FBXO43: variants seen among roughly 807,000 people sequenced by gnomAD.
FBXO43 encodes F-box only protein 43.
Under a neutral mutation model 56.7 loss-of-function variants are expected in FBXO43, and 22 were observed. The ratio of observed to expected loss-of-function variants is 0.39; its 90% confidence interval spans 0.28 to 0.55. The LOEUF (loss-of-function observed/expected upper bound fraction) is 0.55. Among genes scored for constraint, FBXO43 ranks in the 20% least tolerant of loss-of-function variants. FBXO43 has a pLI of 0.66. For synonymous variants in FBXO43, 306 were observed against 294.5 expected, an observed-to-expected ratio of 1.04 and a Z score of -0.40; for missense variants, 733 against 814.9, an observed-to-expected ratio of 0.90 and a Z score of 1.22.
At chr8:100,149,255 G>C (rs1814878386), upstream of FBXO43, among the ~76,000 whole-genome samples, 4 of 152,176 alleles carry the variant, frequency 2.6e-5, no homozygotes, top group South Asian at 8.3e-4. Flanking sequence ...GGACCCATTT[G>C]TATTCTACAT....
intron 3 of FBXO43, chr8:100,137,058 T>A (rs1444057488): frequency 6.6e-6 from 1 of 152,426 alleles, no homozygotes; most frequent in African/African-American, 2.4e-5. Context: ...GATGTTCTTT[T>A]TTTTTTGTTT....
chr8:100,146,261 T>A (rs1030177458), upstream of FBXO43, among the ~76,000 whole-genome samples: 1 of 152,200 alleles, frequency 6.6e-6, no homozygotes, highest in African/African-American at 2.4e-5. Context: ...TTAGTTCTTT[T>A]TATCTGTGTT....
At chr8:100,142,506 G>A (rs986737273) in intron 1 of FBXO43, among the ~76,000 whole-genome samples, 1 of 152,112 alleles carries the variant, frequency 6.6e-6, no homozygotes, top group Non-Finnish European at 1.5e-5. Flanking sequence ...ATTACCTTAT[G>A]ATTTTCACAG....
upstream of FBXO43, chr8:100,150,449 C>A (rs1814897540): frequency 6.6e-6 from 1 of 152,286 alleles, no homozygotes; most frequent in Non-Finnish European, 1.5e-5. Context: ...TGTTAAAATG[C>A]TCTGCTTTCC....
At position 100,141,070 on chromosome 8, in the gene FBXO43, T is replaced by G. The variant is rs1459736473; in HGVS notation, c.1184A>C (p.Glu395Ala). ...STLREQSSQS[E>A]TEEEKQIVHP... ...GACAATCTGCTTTTCCTCTTCTGTC[T>G]CTGACTGCGAGCTTTGTTCCCGAAG... The change falls in exon 2 of 5, where the codon GAG becomes GCG. Residue 395 changes from glutamate (E) to alanine (A), a missense_variant. Coordinates refer to ENST00000428847, the MANE Select transcript of FBXO43 (RefSeq NM_001029860.4). 2 of 1,614,218 alleles carry G rather than the reference T, an allele frequency of 1.2e-6. No homozygotes were observed. The highest frequency in any genetic ancestry group is 2.2e-5 in the South Asian group (2 of 91,076).
chr8:100,140,080 TA>T (rs147877871), intron 2 of FBXO43, among the ~76,000 whole-genome samples: 8,342 of 152,280 alleles, frequency 0.055, 689 homozygotes, highest in African/African-American at 0.17. Flanking sequence ...CTTGAAAATT[TA>T]AAATTCAACT....
chr8:100,148,788 A>G (rs1326369555), upstream of FBXO43, among the ~76,000 whole-genome samples: 1 of 152,168 alleles, frequency 6.6e-6, no homozygotes, highest in Non-Finnish European at 1.5e-5. Flanking sequence ...GCTTGCCACA[A>G]AATCTGATGC....
At chr8:100,137,941 T>C (rs1426000856) in intron 2 of FBXO43, among the ~76,000 whole-genome samples, 1 of 152,180 alleles carries the variant, frequency 6.6e-6, no homozygotes, top group Admixed American at 6.5e-5. Flanking sequence ...GGGAGACTGA[T>C]TAAGAGGATT....
intron 2 of FBXO43, 41 bp from the exon 3 acceptor site, chr8:100,137,708 T>C: frequency 6.9e-7 from 1 of 1,449,278 alleles, no homozygotes; most frequent in Non-Finnish European, 9.6e-7. Flanking sequence ...ATACATTCTA[T>C]AGGATTAACA....
chr8:100,136,939 C>G (rs958020737), intron 3 of FBXO43: 5 of 152,304 alleles, frequency 3.3e-5, no homozygotes, highest in South Asian at 2.1e-4. Flanking sequence ...TCAAAAGACT[C>G]GGTTAGAAAT....
At chr8:100,142,971 T>C (rs368914040) in intron 1 of FBXO43, among the ~76,000 whole-genome samples, 38 of 152,352 alleles carry the variant, frequency 2.5e-4, no homozygotes, top group Middle Eastern at 3.4e-3. Flanking sequence ...CCATTTAAAA[T>C]ATTCTTGAAG....
At position 100,137,629 on chromosome 8, in the gene FBXO43, A is replaced by T; in HGVS notation, c.1610T>A (p.Val537Asp). 1 of 1,613,142 alleles carries T rather than the reference A, an allele frequency of 6.2e-7. No individual in the cohort carries two copies. The highest frequency in any genetic ancestry group is 1.3e-5 in the African/African-American group (1 of 75,008). The change falls in exon 3 of 5, where the codon GTT (valine) becomes GAT (aspartate). Residue 537 changes from valine (V) to aspartate (D), a missense_variant. Transcript: ENST00000428847. ...KVSRNWREIV[V>D]QDKNANRRRK... ...CCTCCGATTTGCATTTTTATCTTGA[A>T]CAACAATTTCACGCCAATTTCTGCT...
At chr8:100,145,826 C>G (rs1482102318), upstream of FBXO43, 4 of 152,438 alleles carry the variant, frequency 2.6e-5, no homozygotes, top group Non-Finnish European at 5.9e-5. Context: ...TTGAACGGCC[C>G]GCCCGGGGTA....
At chr8:100,134,870 T>C (rs1158531650) in intron 3 of FBXO43, among the ~76,000 whole-genome samples, 2 of 152,224 alleles carry the variant, frequency 1.3e-5, no homozygotes, top group African/African-American at 4.8e-5. Flanking sequence ...CCAGTCTATG[T>C]TGGAATAGGA....
intron 3 of FBXO43, among the ~76,000 whole-genome samples, chr8:100,134,733 G>A (rs1036844403): frequency 1.2e-4 from 19 of 152,092 alleles, no homozygotes; most frequent in Non-Finnish European, 2.4e-4. Flanking sequence ...TCAACTCTGC[G>A]GTTGTAGAAA....
At chr8:100,140,113 T>C (rs559573324) in intron 2 of FBXO43, among the ~76,000 whole-genome samples, 1 of 152,300 alleles carries the variant, frequency 6.6e-6, no homozygotes, top group South Asian at 2.1e-4. Flanking sequence ...TCTTTCCAAA[T>C]AACAGTGACA....
chr8:100,147,054 G>T (rs1234074624), upstream of FBXO43, among the ~76,000 whole-genome samples: 1 of 152,126 alleles, frequency 6.6e-6, no homozygotes, highest in Non-Finnish European at 1.5e-5. Flanking sequence ...TGCCAGGTTG[G>T]CCAGGCTGGT....
At chr8:100,144,640 A>G (rs1814762884) in intron 1 of FBXO43, among the ~76,000 whole-genome samples, 1 of 150,262 alleles carries the variant, frequency 6.7e-6, no homozygotes, top group African/African-American at 2.4e-5. Context: ...AAAAAAAAAA[A>G]AAAAGCAGCG....
intron 2 of FBXO43, among the ~76,000 whole-genome samples, chr8:100,140,395 G>A (rs1368448291): frequency 1.3e-5 from 2 of 152,136 alleles, no homozygotes; most frequent in Admixed American, 1.3e-4. Flanking sequence ...GCGTGAACCC[G>A]GGAGGCGGAG....
Sources: allele counts gnomAD v4.1 joint callset (sites outside exome capture counted in the v4.1 genomes callset), GRCh38; gene constraint gnomAD v4.1.1; transcripts MANE v1.5; gene names NCBI Gene and HGNC (gene_info 2026-07-23, HGNC 2026-07-21).